The following PHACTR1 variants were observed in gnomAD, a reference collection of about 807,000 sequenced individuals.
The protein encoded by PHACTR1 is RPEL repeat containing 1.
In PHACTR1, 16 loss-of-function variants were observed where a neutral mutation model predicts 69.2. The observed-to-expected ratio is 0.23, with a 90% CI of 0.16 to 0.35. The LOEUF is 0.35. Ranked by LOEUF, PHACTR1 falls within the 10% of genes least tolerant of loss-of-function variation. The probability of loss-of-function intolerance (pLI) is 1.00; values close to 1 mark genes in which losing one functional copy is unlikely to be tolerated. For synonymous variants in PHACTR1, 312 were observed against 284.5 expected (o/e 1.10, Z -0.97); for missense variants, 510 against 734.7 (o/e 0.69, Z 3.54).
chr6:12,805,984 T>C (rs1258992748), intron 4 of PHACTR1, among the ~76,000 whole-genome samples: 3 of 152,220 alleles, frequency 2.0e-5, no homozygotes, highest in African/African-American at 7.2e-5. Context: ...CTTGGTGTCA[T>C]AATGCTGCAT....
intron 5 of PHACTR1, among the ~76,000 whole-genome samples, chr6:13,076,527 C>CTTCTGCATG (rs1264105058): frequency 1.1e-4 from 17 of 152,152 alleles, no homozygotes; most frequent in African/African-American, 4.1e-4. Context: ...AACATTTGGT[C>CTTCTGCATG]TTCTGCATGT....
intron 4 of PHACTR1, among the ~76,000 whole-genome samples, chr6:12,948,237 A>T (rs535812665): frequency 6.6e-6 from 1 of 152,364 alleles, no homozygotes; most frequent in South Asian, 2.1e-4. Flanking sequence ...GGTAAGCTGT[A>T]CAGAGCCCCT....
chr6:13,177,752 C>G (rs1761590522), intron 6 of PHACTR1, among the ~76,000 whole-genome samples: 1 of 152,178 alleles, frequency 6.6e-6, no homozygotes, highest in Non-Finnish European at 1.5e-5. Context: ...TGCCTCATGC[C>G]TCACTTATGG....
chr6:12,777,657 A>C (rs1308003888), intron 4 of PHACTR1, among the ~76,000 whole-genome samples: 36 of 115,126 alleles, frequency 3.1e-4, no homozygotes, highest in African/African-American at 1.1e-3. Context: ...TTTGAGACAG[A>C]GTCTTGCTCT....
chr6:13,247,606 A>G (rs1353218116), intron 10 of PHACTR1, among the ~76,000 whole-genome samples: 3 of 152,088 alleles, frequency 2.0e-5, no homozygotes, highest in Non-Finnish European at 4.4e-5. Context: ...TTGGCCTCCC[A>G]AAGTGCTGGG....
At chr6:12,884,336 G>C (rs185229793) in intron 4 of PHACTR1, among the ~76,000 whole-genome samples, 2 of 151,788 alleles carry the variant, frequency 1.3e-5, no homozygotes, top group East Asian at 1.9e-4. Flanking sequence ...TTGGTTGAAG[G>C]GATCATATAC....
intron 4 of PHACTR1, among the ~76,000 whole-genome samples, chr6:12,861,330 G>T (rs557674879): frequency 1.3e-5 from 2 of 152,256 alleles, no homozygotes; most frequent in African/African-American, 4.8e-5. Flanking sequence ...TGCCAATCTG[G>T]ATATTCTTTA....
chr6:13,287,041 A>C, intron 14 of PHACTR1, 22 bp from the exon 15 acceptor site: 4 of 1,607,034 alleles, frequency 2.5e-6, no homozygotes, highest in Middle Eastern at 1.7e-4. Context: ...CTTGGTCTTG[A>C]TGTAATTGTT....
chr6:13,135,746 C>T (rs1198937044), intron 5 of PHACTR1, among the ~76,000 whole-genome samples: 4 of 152,038 alleles, frequency 2.6e-5, no homozygotes, highest in African/African-American at 4.8e-5. Flanking sequence ...AGGCCAGGTA[C>T]GGTGGCTCAT....
intron 4 of PHACTR1, among the ~76,000 whole-genome samples, chr6:12,759,228 A>G (rs1217834201): frequency 6.6e-6 from 1 of 152,004 alleles, no homozygotes; most frequent in Non-Finnish European, 1.5e-5. Context: ...TTGAAATAAA[A>G]TATTCTCCAA....
intron 5 of PHACTR1, among the ~76,000 whole-genome samples, chr6:13,141,724 CTTTTTTTTTTTT>C (rs577073698): frequency 1.1e-5 from 1 of 89,830 alleles, no homozygotes; most frequent in Non-Finnish European, 2.2e-5. Context: ...TTTCTTCTTT[CTTTTTTTTTTTT>C]TTTTTTTGTT....
At chr6:13,018,995 C>T (rs914462486) in intron 4 of PHACTR1, among the ~76,000 whole-genome samples, 7 of 151,372 alleles carry the variant, frequency 4.6e-5, no homozygotes, top group South Asian at 4.2e-4. Flanking sequence ...AGGCATGTAC[C>T]GTCACATCTA....
intron 4 of PHACTR1, among the ~76,000 whole-genome samples, chr6:13,041,090 C>T (rs1443639134): frequency 6.6e-6 from 1 of 151,914 alleles, no homozygotes; most frequent in Admixed American, 6.6e-5. Context: ...CTGTTGAGAC[C>T]TCTTTAAAAA....
intron 8 of PHACTR1, among the ~76,000 whole-genome samples, chr6:13,221,681 G>A (rs1413364920): frequency 1.3e-5 from 2 of 152,192 alleles, no homozygotes; most frequent in South Asian, 4.1e-4. Flanking sequence ...GAATCAACAC[G>A]TGGGACAGTG....
intron 8 of PHACTR1, among the ~76,000 whole-genome samples, chr6:13,217,113 G>T (rs1767793010): frequency 6.6e-6 from 1 of 152,120 alleles, no homozygotes; most frequent in Non-Finnish European, 1.5e-5. Context: ...AAATTAGTGG[G>T]TAATATCTAT....
intron 5 of PHACTR1, among the ~76,000 whole-genome samples, chr6:13,071,193 G>A (rs1253290077): frequency 6.6e-6 from 1 of 152,046 alleles, no homozygotes; most frequent in Admixed American, 6.6e-5. Context: ...TTGGGAGGTC[G>A]AGGCAAGCAG....
intron 4 of PHACTR1, among the ~76,000 whole-genome samples, chr6:12,902,273 A>G (rs1364190275): frequency 6.6e-6 from 1 of 152,146 alleles, no homozygotes; most frequent in Admixed American, 6.5e-5. Flanking sequence ...AAATACAAAA[A>G]TTAGCTGGAT....
At chr6:13,247,162 T>TA (rs1351706246) in intron 10 of PHACTR1, among the ~76,000 whole-genome samples, 2 of 152,198 alleles carry the variant, frequency 1.3e-5, no homozygotes, top group African/African-American at 4.8e-5. Context: ...GCAGCCTCTT[T>TA]AGTGTCTTTG....
intron 6 of PHACTR1, among the ~76,000 whole-genome samples, chr6:13,174,977 A>G (rs576555000): frequency 4.7e-4 from 72 of 152,350 alleles, no homozygotes; most frequent in Non-Finnish European, 8.8e-4. Flanking sequence ...AAAGTCCAAC[A>G]TAATGCTGGA....
Sources: allele counts gnomAD v4.1 joint callset (sites outside exome capture counted in the v4.1 genomes callset), GRCh38; gene constraint gnomAD v4.1.1; transcripts MANE v1.5; gene names NCBI Gene and HGNC (gene_info 2026-07-23, HGNC 2026-07-21).